Variants in ELOVL5 observed in about 807,000 individuals in gnomAD.
ELOVL5 encodes ELOVL fatty acid elongase 5, also known as very long chain fatty acid elongase 5.
In ELOVL5, 8 loss-of-function variants were observed where a neutral mutation model predicts 38.6. The ratio of observed to expected loss-of-function variants is 0.21; its 90% CI spans 0.12 to 0.37. The LOEUF is 0.37. Among genes scored for constraint, ELOVL5 ranks in the 10% least tolerant of loss-of-function variants. The probability of loss-of-function intolerance (pLI) is 1.00; values close to 1 mark genes in which losing one functional copy is unlikely to be tolerated. For missense variants in ELOVL5, 280 were observed against 367.8 expected (o/e 0.76, Z 1.95); for synonymous variants, 127 against 133.7 (o/e 0.95, Z 0.34).
At chr6:53,346,045 A>G (rs1039254298) in intron 1 of ELOVL5, among the ~76,000 whole-genome samples, 3 of 151,972 alleles carry the variant, frequency 2.0e-5, no homozygotes, top group Non-Finnish European at 4.4e-5. Flanking sequence ...ATTTGTCCTA[A>G]TGCTCTCCCT....
intron 1 of ELOVL5, among the ~76,000 whole-genome samples, chr6:53,335,596 T>G (rs1769026447): frequency 6.6e-6 from 1 of 152,206 alleles, no homozygotes; most frequent in African/African-American, 2.4e-5. Context: ...AGTATCTGTT[T>G]ATTTTGTCAC....
chr6:53,340,821 T>TGACTTGTAC (rs1769292028), intron 1 of ELOVL5, among the ~76,000 whole-genome samples: 1 of 152,220 alleles, frequency 6.6e-6, no homozygotes. Flanking sequence ...AAGCTATACA[T>TGACTTGTAC]GACTTGTACG....
chr6:53,335,580 A>G (rs975543876), intron 1 of ELOVL5, among the ~76,000 whole-genome samples: 24 of 151,306 alleles, frequency 1.6e-4, no homozygotes, highest in Admixed American at 1.5e-3. Context: ...AGGCCTTGTC[A>G]CTGTAAGTAT....
At chr6:53,315,557 A>G (rs541774504) in intron 1 of ELOVL5, among the ~76,000 whole-genome samples, 85 of 152,344 alleles carry the variant, frequency 5.6e-4, no homozygotes, top group Non-Finnish European at 1.1e-3. Flanking sequence ...CACTTTATGA[A>G]AGGGTTGTAC....
intron 1 of ELOVL5, among the ~76,000 whole-genome samples, chr6:53,299,715 G>C (rs1169608128): frequency 2.0e-5 from 3 of 152,150 alleles, no homozygotes; most frequent in Admixed American, 2.0e-4. Context: ...ATCTTGAAGA[G>C]GCCCTGTGGA....
At chr6:53,314,376 G>A (rs979666573) in intron 1 of ELOVL5, among the ~76,000 whole-genome samples, 3 of 152,160 alleles carry the variant, frequency 2.0e-5, no homozygotes, top group African/African-American at 7.2e-5. Flanking sequence ...CCAAGGGAGA[G>A]ACACCAACAG....
intron 3 of ELOVL5, among the ~76,000 whole-genome samples, chr6:53,276,611 C>CT (rs1037960561): frequency 1.3e-5 from 2 of 152,154 alleles, no homozygotes; most frequent in African/African-American, 4.8e-5. Context: ...AAGCCTCTGG[C>CT]TGCTTTCCCT....
chr6:53,334,117 GATGTAAACATGTCTAAAAAAGTGTTT>G (rs1437157421), intron 1 of ELOVL5, among the ~76,000 whole-genome samples: 1 of 152,128 alleles, frequency 6.6e-6, no homozygotes, highest in Non-Finnish European at 1.5e-5. Flanking sequence ...AAACTTTTAG[GATGTAAACATGTCTAAAAAAGTGTTT>G]GATGCCAAAC....
Position 53,275,268 on chromosome 6 carries a change from G to C in ELOVL5, c.325-7C>G. The C allele has an allele frequency of 6.2e-7, 1 of 1,613,860 alleles. No homozygotes were observed. Among genetic ancestry groups the C allele is most frequent in the Non-Finnish European group, 8.5e-7 (1 of 1,179,726 alleles). ...ACCAGAGGACACGGATAATCTAAGA[G>C]GAAAGGGTCAAAGATTTAAGGCTTA... On this transcript the variant is annotated splice_polypyrimidine_tract_variant and splice_region_variant and intron_variant, in intron 4 of 7. Coordinates refer to ENST00000304434, the MANE Select transcript of ELOVL5 (RefSeq NM_021814.5).
At chr6:53,271,154 A>G (rs1765903282) in intron 6 of ELOVL5, among the ~76,000 whole-genome samples, 2 of 152,204 alleles carry the variant, frequency 1.3e-5, no homozygotes, top group Admixed American at 6.5e-5. Flanking sequence ...GTAGATTTAA[A>G]CCTTTACTGG....
chr6:53,278,361 CT>C (rs1766220054), intron 3 of ELOVL5, among the ~76,000 whole-genome samples: 1 of 152,126 alleles, frequency 6.6e-6, no homozygotes, highest in Non-Finnish European at 1.5e-5. Context: ...GACAAATCCT[CT>C]CTTGTAATTC....
At chr6:53,280,138 G>T (rs1482828137) in intron 3 of ELOVL5, among the ~76,000 whole-genome samples, 1 of 152,216 alleles carries the variant, frequency 6.6e-6, no homozygotes, top group African/African-American at 2.4e-5. Context: ...ACACCACAGG[G>T]TGAGAGGACC....
chr6:53,329,364 T>C (rs920189815), intron 1 of ELOVL5, among the ~76,000 whole-genome samples: 2 of 152,234 alleles, frequency 1.3e-5, no homozygotes, highest in African/African-American at 4.8e-5. Flanking sequence ...TTTAAACCTA[T>C]ATTTTAAAAC....
At chr6:53,348,019 A>G (rs1269452775) in intron 1 of ELOVL5, among the ~76,000 whole-genome samples, 1 of 101,094 alleles carries the variant, frequency 9.9e-6, no homozygotes, top group African/African-American at 3.0e-5. Context: ...GCAGAGCACA[A>G]CCGCCCCCCC....
At chr6:53,347,024 T>C (rs1052977008) in intron 1 of ELOVL5, among the ~76,000 whole-genome samples, 1 of 152,178 alleles carries the variant, frequency 6.6e-6, no homozygotes, top group African/African-American at 2.4e-5. Context: ...TCCCCATGTA[T>C]AGACAAGGAA....
intron 3 of ELOVL5, chr6:53,290,203 G>A (rs1766723388): frequency 6.6e-6 from 1 of 152,144 alleles, no homozygotes; most frequent in Non-Finnish European, 1.5e-5. Flanking sequence ...TTTAAGAGAG[G>A]ATAAATAATG....
intron 1 of ELOVL5, among the ~76,000 whole-genome samples, chr6:53,302,045 T>C (rs965856198): frequency 6.6e-6 from 1 of 152,152 alleles, no homozygotes; most frequent in Non-Finnish European, 1.5e-5. Flanking sequence ...CCATGTACTA[T>C]ACTAAGTGTT....
intron 1 of ELOVL5, among the ~76,000 whole-genome samples, chr6:53,318,727 G>A (rs1768155731): frequency 6.6e-6 from 1 of 152,040 alleles, no homozygotes. Flanking sequence ...GCAAAAAATT[G>A]AGACCCTGTC....
At chr6:53,328,274 A>C (rs1581986076) in intron 1 of ELOVL5, among the ~76,000 whole-genome samples, 1 of 152,344 alleles carries the variant, frequency 6.6e-6, no homozygotes, top group Admixed American at 6.5e-5. Context: ...AACTAGTAGT[A>C]GTTAGTGACT....
Sources: allele counts gnomAD v4.1 joint callset (sites outside exome capture counted in the v4.1 genomes callset), GRCh38; gene constraint gnomAD v4.1.1; transcripts MANE v1.5; gene names NCBI Gene and HGNC (gene_info 2026-07-23, HGNC 2026-07-21).